MYH8: variants seen among roughly 807,000 people sequenced by gnomAD.
The protein encoded by MYH8 is myosin-8.
In MYH8, 168 loss-of-function variants were observed where a neutral mutation model predicts 233.2. That is an observed-to-expected ratio of 0.72 (90% CI 0.64 to 0.82). The LOEUF (loss-of-function observed/expected upper bound fraction) is 0.82. Ranked by LOEUF, MYH8 falls within the 40% of genes least tolerant of loss-of-function variation. The pLI, the probability that MYH8 is intolerant of heterozygous loss-of-function variation, is 0.00. For missense variants in MYH8, 1,995 were observed against 2,327.8 expected (o/e 0.86, Z 2.94); for synonymous variants, 785 against 850.6 (o/e 0.92, Z 1.34).
intron 9 of MYH8, 22 bp from the exon 10 acceptor site, chr17:10,414,506 G>C: frequency 6.6e-7 from 1 of 1,511,268 alleles, no homozygotes; most frequent in Non-Finnish European, 9.2e-7. Context: ...AATAGATATC[G>C]AGTTTGAAAA....
In MYH8 at chr17:10,392,375, C is replaced by G. The variant is rs142392003; in HGVS notation, c.5568+167G>C. Reference sequence around the variant, plus strand: ...TTCTAAACTTTAGAAATCTGAAGGCCTCCCTAAGTTTTAGTATAGGTCTGT... The same window carrying G: ...TTCTAAACTTTAGAAATCTGAAGGCGTCCCTAAGTTTTAGTATAGGTCTGT... On this transcript the variant is annotated intron_variant, in intron 38 of 39. Transcript: ENST00000403437. 8.7e-4 allele frequency among the ~76,000 whole-genome samples: 132 copies of G among 152,288 alleles called. 2 individuals are homozygous for G. In the East Asian group the frequency reaches 0.025, roughly 28 times the overall value.
At chr17:10,403,250 A>C (rs1309134830) in intron 22 of MYH8, among the ~76,000 whole-genome samples, 1 of 152,186 alleles carries the variant, frequency 6.6e-6, no homozygotes, top group Non-Finnish European at 1.5e-5. Flanking sequence ...GAATTTTAGA[A>C]TATATGAGAA....
Position 10,396,886 on chromosome 17 carries a change from C to A in MYH8, c.4279G>T (p.Glu1427Ter). The A allele has an allele frequency of 1.2e-6, 2 of 1,614,202 alleles. No individual in the cohort carries two copies. Among genetic ancestry groups the A allele is most frequent in the Non-Finnish European group, 1.7e-6 (2 of 1,180,036 alleles). The change falls in exon 31 of 40, where the codon GAA becomes TAA. Residue 1427 changes from glutamate (E) to a stop codon, truncating the protein, a stop_gained. Coordinates refer to ENST00000403437, the MANE Select transcript of MYH8 (RefSeq NM_002472.3). LOFTEE classifies it high-confidence loss of function. This position sits in a 1 kb window ranked among gnomAD's most constrained non-coding sequence, Gnocchi z 4.2. ...ACATCAAGCATGAGGTCTTCAACTT[C>A]ATTCTGGAGCCGCTGCTTCGTCTTC... ...LEKTKQRLQN[E>*]VEDLMLDVER...
In MYH8 at chr17:10,409,432, G is replaced by C. The variant is rs201261875; in HGVS notation, c.1744C>G (p.Leu582Val). Residue 582 changes from leucine (L) to valine (V), a missense_variant, in exon 16 of 40, where the codon CTG (leucine) becomes GTG (valine). Physicochemically the swap from Leu to Val is conservative, Grantham distance 32. Coordinates refer to ENST00000403437, the MANE Select transcript of MYH8 (RefSeq NM_002472.3). ...TCCACAGTGCCAGCATAGTGAATCAGAGAGAAGTGGGCCTCAGCCTTGCCT... is the reference window on the plus strand; with the variant it reads ...TCCACAGTGCCAGCATAGTGAATCACAGAGAAGTGGGCCTCAGCCTTGCCT... ...VKGKAEAHFS[L>V]IHYAGTVDYN... 1.2e-5 allele frequency: 19 copies of C among 1,614,212 alleles called. 1 individual carries two copies. The Admixed American group carries it at 2.8e-4, about 24-fold the overall frequency.
At chr17:10,408,085 C>T (rs111956548) in intron 17 of MYH8, among the ~76,000 whole-genome samples, 399 of 151,518 alleles carry the variant, frequency 2.6e-3, no homozygotes, top group African/African-American at 9.3e-3. Context: ...GGACTATAGG[C>T]GTGCACCACT....
intron 12 of MYH8, among the ~76,000 whole-genome samples, chr17:10,413,635 G>A (rs2072263773): frequency 6.6e-6 from 1 of 152,092 alleles, no homozygotes; most frequent in African/African-American, 2.4e-5. Context: ...GGCCAACCAG[G>A]AGCACTATTA....
In MYH8 at chr17:10,415,494, T is replaced by G; in HGVS notation, c.626A>C (p.Lys209Thr). ...TACCTGCATTTTGCCAGATTCATCC[T>G]TCTTCTTCTCTCCAGTAACTGCAAT... ...ATIAVTGEKK[K>T]DESGKMQGTL... Residue 209 changes from lysine to threonine, a missense_variant, in exon 7 of 40, where the codon AAG (lysine) becomes ACG (threonine). Coordinates refer to ENST00000403437, the MANE Select transcript of MYH8 (RefSeq NM_002472.3). The surrounding 1 kb of genome is among the most constrained non-coding windows in gnomAD (Gnocchi z 4.1). The G allele has an allele frequency of 6.2e-7, 1 of 1,614,072 alleles. No homozygotes were observed. The highest frequency in any genetic ancestry group is 1.1e-5 in the South Asian group (1 of 91,084).
At chr17:10,405,823 A>C (rs1044885109) in intron 21 of MYH8, among the ~76,000 whole-genome samples, 1 of 152,232 alleles carries the variant, frequency 6.6e-6, no homozygotes, top group Non-Finnish European at 1.5e-5. Context: ...ACTGCAAACT[A>C]TTCCTGTGGC....
chr17:10,410,218 C>T (rs971249782), intron 15 of MYH8, among the ~76,000 whole-genome samples: 3 of 152,212 alleles, frequency 2.0e-5, no homozygotes, highest in East Asian at 1.9e-4. Context: ...GTGAGAGGAT[C>T]GCTTGAGCCT....
At chr17:10,403,217 C>T (rs1176990276) in intron 22 of MYH8, among the ~76,000 whole-genome samples, 1 of 152,134 alleles carries the variant, frequency 6.6e-6, no homozygotes, top group Admixed American at 6.5e-5. Flanking sequence ...GGCCCTCTCC[C>T]CTCTCCCAAT....
At chr17:10,411,291 G>T (rs1387958168) in intron 14 of MYH8, among the ~76,000 whole-genome samples, 1 of 151,730 alleles carries the variant, frequency 6.6e-6, no homozygotes, top group Admixed American at 6.6e-5. Flanking sequence ...CAGGAAAATT[G>T]CTTGAACCCT....
chr17:10,400,612 C>T lies in MYH8; in HGVS notation c.3513G>A (p.Glu1171=), dbSNP rs61736327. ...CCCTGCGCAGTTTCTGAAACTCAGC[C>T]TCCCGCTTCTTGTTCAATTCCACCT... ...SAQVELNKKR[E]AEFQKLRRDL... is the part of the protein sequence containing the mutation. The change falls in exon 27 of 40, where the codon GAG becomes GAA. Residue 1171 remains glutamate, a synonymous_variant. Coordinates refer to ENST00000403437, the MANE Select transcript of MYH8 (RefSeq NM_002472.3). The surrounding 1 kb of genome is among the most constrained non-coding windows in gnomAD (Gnocchi z 4.0). The T allele has an allele frequency of 3.5e-4, 567 of 1,614,222 alleles. 1 individual carries two copies. The African/African-American group carries it at 6.9e-3, about 20-fold the overall frequency.
At chr17:10,397,871 A>G (rs1249366879) in intron 30 of MYH8, among the ~76,000 whole-genome samples, 1 of 152,234 alleles carries the variant, frequency 6.6e-6, no homozygotes, top group Non-Finnish European at 1.5e-5. Context: ...CAATTCGTGC[A>G]GTTTAAACAA....
intron 35 of MYH8, among the ~76,000 whole-genome samples, chr17:10,393,652 A>C (rs2072050204): frequency 1.3e-5 from 2 of 152,194 alleles, no homozygotes; most frequent in Non-Finnish European, 2.9e-5. Flanking sequence ...TTATGAAAAC[A>C]TGTTCTTAAG....
chr17:10,414,115 G>T, intron 11 of MYH8, 75 bp from the exon 12 acceptor site: 3 of 1,609,352 alleles, frequency 1.9e-6, no homozygotes, highest in Non-Finnish European at 2.6e-6. Context: ...CATATCCTAA[G>T]GTAACCACAC....
chr17:10,413,921 A>G lies in MYH8; in HGVS notation c.1128T>C (p.Ala376=). The G allele has an allele frequency of 1.2e-6, 2 of 1,614,042 alleles. No individual in the cohort carries two copies. The highest frequency in any genetic ancestry group is 1.7e-6 in the Non-Finnish European group (2 of 1,180,010). Residue 376 remains alanine, a synonymous_variant, in exon 12 of 40, where the codon GCT becomes GCC. Coordinates refer to ENST00000403437, the MANE Select transcript of MYH8 (RefSeq NM_002472.3). ...KFKQKQREEQ[A]EPDGTEVADK... ...TGGTACCTTCTGTGCCATCTGGCTC[A>G]GCTTGCTCCTCACGCTGCTTTTGCT...
Position 10,401,576 on chromosome 17 carries a change from C to G in MYH8, c.2898G>C (p.Lys966Asn), listed in dbSNP as rs779823632. Residue 966 changes from lysine to asparagine, a missense_variant, in exon 23 of 40, where the codon AAG (lysine) becomes AAC (asparagine). Physicochemically the swap from Lys to Asn is moderately conservative, Grantham distance 94 (BLOSUM62 0). Around this residue, in one of 3 missense-constraint regions of MYH8, gnomAD observed 1,498 missense variants for 1,680.9 expected, o/e 0.89. Transcript: ENST00000403437. ...DIDDLELTLA[K>N]VEKEKHATEN... ...CCGTGGCATGTTTCTCCTTCTCAAC[C>G]TTGGCCAGTGTCAGCTCAAGGTCAT... 6.2e-7 allele frequency: 1 copy of G among 1,614,140 alleles called. No homozygotes were observed. The highest frequency in any genetic ancestry group is 1.7e-5 in the Admixed American group (1 of 60,018).
At chr17:10,399,079 T>G (rs2142173181) in intron 28 of MYH8, among the ~76,000 whole-genome samples, 193 bp from the exon 29 acceptor site, 1 of 151,518 alleles carries the variant, frequency 6.6e-6, no homozygotes, top group East Asian at 1.9e-4. Context: ...TTTCAGATTT[T>G]TGTTTGATTT....
intron 22 of MYH8, among the ~76,000 whole-genome samples, chr17:10,404,027 G>A (rs1051954241): frequency 8.5e-5 from 13 of 152,198 alleles, no homozygotes; most frequent in African/African-American, 3.1e-4. Flanking sequence ...CTGGGCTAAA[G>A]TAGCCCAGGC....
Sources: gnomAD v4.1 joint callset for allele counts (sites outside exome capture counted in the v4.1 genomes callset) on GRCh38, gnomAD v4.1.1 for gene constraint, gnomAD v4.1.1 regional missense constraint, Gnocchi (gnomAD v3.1) non-coding constraint, MANE v1.5 for transcripts, NCBI Gene and HGNC (gene_info 2026-07-23, HGNC 2026-07-21) for gene names.